Variants in DGKH observed in about 807,000 individuals in gnomAD.
DGKH encodes DAG kinase eta.
A neutral mutation model predicts 159.3 loss-of-function variants in DGKH; 90 were observed. The observed-to-expected ratio is 0.57, with a 90% CI of 0.48 to 0.67. The LOEUF (loss-of-function observed/expected upper bound fraction) is 0.67, where lower values mean the gene tolerates loss of function less well. Among genes scored for constraint, DGKH ranks in the 30% least tolerant of loss-of-function variants. DGKH has a pLI of 0.00. For missense variants in DGKH, 1,181 were observed against 1,506.1 expected (o/e 0.78, Z 3.57); for synonymous variants, 536 against 553.8 (o/e 0.97, Z 0.45).
intron 7 of DGKH, among the ~76,000 whole-genome samples, chr13:42,163,285 C>T (rs1375186710): frequency 6.6e-6 from 1 of 152,020 alleles, no homozygotes; most frequent in East Asian, 1.9e-4. Flanking sequence ...GGGTTGGTTC[C>T]AAGTCTTTGC....
intron 25 of DGKH, among the ~76,000 whole-genome samples, chr13:42,215,166 T>A (rs1240669683): frequency 6.6e-6 from 1 of 152,064 alleles, no homozygotes; most frequent in Non-Finnish European, 1.5e-5. Context: ...GCGTTTTTTT[T>A]TTTAATTATT....
chr13:42,162,839 T>C (rs1422957000), intron 7 of DGKH, among the ~76,000 whole-genome samples: 3 of 151,118 alleles, frequency 2.0e-5, no homozygotes, highest in Non-Finnish European at 4.4e-5. Flanking sequence ...TCTTTTTTTT[T>C]TTTTTATTTT....
At chr13:42,055,538 T>A (rs1881692673) in intron 1 of DGKH, among the ~76,000 whole-genome samples, 1 of 152,248 alleles carries the variant, frequency 6.6e-6, no homozygotes, top group South Asian at 2.1e-4. Context: ...TAGAACTCTT[T>A]CACTTAGTTT....
At position 42,240,372 on chromosome 13, in the gene DGKH, C is replaced by A. The variant is rs1335493246; in HGVS notation, c.*11184C>A. 6.6e-6 allele frequency: 1 copy of A among 152,154 alleles called. No homozygotes were observed. The highest frequency in any genetic ancestry group is 6.5e-5 in the Admixed American group (1 of 15,278). The allele number at this position is 152,154 out of a possible 1,614,324, so 9.4% of individuals were successfully genotyped here. A position where few individuals can be genotyped will look rare whatever the true frequency, so the allele number is the denominator to read the frequency against. The stretch of plus-strand genomic sequence containing the variant: ...TGTAAATCAGAAATATTGGCCAAAT[C>A]AGAATTCTTGTTTCTAAAATGAGGC... On this transcript the variant is annotated 3_prime_UTR_variant, in exon 30 of 30. Coordinates refer to ENST00000337343, the MANE Select transcript of DGKH (RefSeq NM_178009.5).
chr13:42,190,137 A>G (rs1439690122), intron 15 of DGKH, among the ~76,000 whole-genome samples: 2 of 152,164 alleles, frequency 1.3e-5, no homozygotes, highest in Non-Finnish European at 2.9e-5. Context: ...AAACCCCTTT[A>G]TAGATTGTAA....
intron 1 of DGKH, among the ~76,000 whole-genome samples, chr13:42,090,784 G>C (rs1035172082): frequency 6.6e-6 from 1 of 152,170 alleles, no homozygotes; most frequent in African/African-American, 2.4e-5. Context: ...CCAGTGTGAA[G>C]GTATTAAGAG....
At position 42,252,044 on chromosome 13, in the gene DGKH, C is replaced by A. The variant is rs188331432; in HGVS notation, n.4055-365C>A. Among the ~76,000 whole-genome samples, 263 of 152,062 alleles carry A rather than the reference C, an allele frequency of 1.7e-3. 1 individual carries two copies. Among genetic ancestry groups the A allele is most frequent in the Non-Finnish European group, 5.3e-4 (36 of 68,018 alleles). On this transcript the variant is annotated intron_variant and non_coding_transcript_variant, in intron 29 of 30. Transcript: ENST00000498255. ...GAATATTGTTTAAAACTCTTAACCTCTGTGGTCACAAGTGATATTACACTG... is the reference window on the plus strand; with the variant it reads ...GAATATTGTTTAAAACTCTTAACCTATGTGGTCACAAGTGATATTACACTG...
intron 3 of DGKH, among the ~76,000 whole-genome samples, chr13:42,132,426 G>A (rs1297731791): frequency 6.6e-6 from 1 of 152,160 alleles, no homozygotes; most frequent in Non-Finnish European, 1.5e-5. Flanking sequence ...CTGAAAGAGG[G>A]TTTCAGAATT....
intron 29 of DGKH, chr13:42,225,201 G>A (rs1007518839): frequency 1.5e-6 from 2 of 1,360,324 alleles, no homozygotes; most frequent in Non-Finnish European, 1.0e-6. Flanking sequence ...GGGATTACTG[G>A]TGTGAGCCAC....
chr13:42,064,111 TTATC>T (rs1204932442), intron 1 of DGKH, among the ~76,000 whole-genome samples: 1 of 152,092 alleles, frequency 6.6e-6, no homozygotes, highest in Non-Finnish European at 1.5e-5. Flanking sequence ...GCAGGTCAGT[TTATC>T]CATACAAGCC....
intron 4 of DGKH, 68 bp downstream of exon 4, chr13:42,155,463 C>G: frequency 6.6e-7 from 1 of 1,516,942 alleles, no homozygotes; most frequent in Non-Finnish European, 9.1e-7. Context: ...GGCTAGAGCT[C>G]TACCGTGCAA....
Position 42,219,219 on chromosome 13 carries a change from C to A in DGKH, c.3214-11C>A. The A allele has an allele frequency of 1.2e-6, 2 of 1,612,916 alleles. No individual in the cohort carries two copies. The highest frequency in any genetic ancestry group is 1.7e-6 in the Non-Finnish European group (2 of 1,179,550). ...TTGTTTTGTTTTGTCTTTTAATCTGCTGGTAAATAGCAGCTGGAATCGCCA... is the reference window on the plus strand; with the variant it reads ...TTGTTTTGTTTTGTCTTTTAATCTGATGGTAAATAGCAGCTGGAATCGCCA... On this transcript the variant is annotated splice_polypyrimidine_tract_variant and intron_variant, in intron 26 of 29. Coordinates refer to ENST00000337343, the MANE Select transcript of DGKH (RefSeq NM_178009.5).
chr13:42,040,640 G>C (rs990564567), intron 1 of DGKH, among the ~76,000 whole-genome samples: 1 of 151,496 alleles, frequency 6.6e-6, no homozygotes, highest in Non-Finnish European at 1.5e-5. Context: ...GCAGGGGAGC[G>C]GGACCGTGGA....
intron 1 of DGKH, among the ~76,000 whole-genome samples, chr13:42,051,646 CTTTTTTTTTTTTTTTTT>C (rs56413015): frequency 0.015 from 778 of 50,252 alleles, 28 homozygotes; most frequent in African/African-American, 0.056. Flanking sequence ...TCAAAGCCAT[CTTTTTTTTTTTTTTTTT>C]TTTTTTTTTT....
intron 26 of DGKH, among the ~76,000 whole-genome samples, chr13:42,217,796 G>T (rs1957839969): frequency 6.6e-6 from 1 of 152,160 alleles, no homozygotes; most frequent in South Asian, 2.1e-4. Flanking sequence ...CACTTTGGGA[G>T]GCTGAGGCAG....
At chr13:42,256,204 A>G in intron 30 of DGKH, 1 of 1,326,874 alleles carries the variant, frequency 7.5e-7, no homozygotes, top group Non-Finnish European at 1.1e-6. Context: ...GCAGCAGTGG[A>G]CATTTTGAGT....
Position 42,219,368 on chromosome 13 carries a change from G to C in DGKH, c.3333+19G>C. 1 of 1,612,182 alleles carries C rather than the reference G, an allele frequency of 6.2e-7. No homozygotes were observed. Among genetic ancestry groups the C allele is most frequent in the African/African-American group, 1.3e-5 (1 of 74,964 alleles). On this transcript the variant is annotated intron_variant, in intron 27 of 29. Coordinates refer to ENST00000337343, the MANE Select transcript of DGKH (RefSeq NM_178009.5). Reference sequence around the variant, plus strand: ...GGATGAGGTATGTAAAATTCAGCCTGTTTCTCTAGAAATGTAGACCATATT... The same window carrying C: ...GGATGAGGTATGTAAAATTCAGCCTCTTTCTCTAGAAATGTAGACCATATT...
intron 3 of DGKH, among the ~76,000 whole-genome samples, chr13:42,137,613 C>T (rs951153087): frequency 1.3e-5 from 2 of 152,094 alleles, no homozygotes; most frequent in Non-Finnish European, 2.9e-5. Context: ...ATTACATGTT[C>T]AGTTGTTTTT....
chr13:42,178,600 T>A (rs1956667429), intron 13 of DGKH, among the ~76,000 whole-genome samples: 1 of 152,282 alleles, frequency 6.6e-6, no homozygotes, highest in East Asian at 1.9e-4. Context: ...TACATCACAT[T>A]AGAAAAAGGA....
Sources: allele counts gnomAD v4.1 joint callset (sites outside exome capture counted in the v4.1 genomes callset), GRCh38; gene constraint gnomAD v4.1.1; transcripts MANE v1.5; gene names NCBI Gene and HGNC (gene_info 2026-07-23, HGNC 2026-07-21).